The following RARB variants were observed in gnomAD, a reference collection of about 807,000 sequenced individuals.
RARB encodes the protein retinoic acid receptor beta.
Under a neutral mutation model 51.9 loss-of-function variants are expected in RARB, and 17 were observed. The observed-to-expected ratio is 0.33, with a 90% CI of 0.22 to 0.49. The LOEUF (loss-of-function observed/expected upper bound fraction) is 0.49, where lower values mean the gene tolerates loss of function less well. RARB is among the 20% of genes least tolerant of loss of function. The pLI is 0.99. For missense variants in RARB, 369 were observed against 550.8 expected (o/e 0.67, Z 3.30); for synonymous variants, 215 against 195.4 (o/e 1.10, Z -0.84).
At chr3:25,351,089 A>G (rs17016260) in intron 5 of RARB, among the ~76,000 whole-genome samples, 19,782 of 152,146 alleles carry the variant, frequency 0.13, 1,362 homozygotes, top group South Asian at 0.2. Flanking sequence ...GTGCAGCGCT[A>G]TATTATTTCC....
intron 2 of RARB, among the ~76,000 whole-genome samples, chr3:25,479,794 C>T (rs994292020): frequency 6.6e-6 from 1 of 152,184 alleles, no homozygotes; most frequent in African/African-American, 2.4e-5. Flanking sequence ...CATCTTTCAA[C>T]CCCTCTTCTA....
At chr3:25,421,255 C>T (rs1191346812) in intron 5 of RARB, among the ~76,000 whole-genome samples, 2 of 152,060 alleles carry the variant, frequency 1.3e-5, no homozygotes, top group East Asian at 3.9e-4. Flanking sequence ...ACCCCCTCCA[C>T]CTGCAGCCTG....
chr3:25,012,071 CAG>C (rs1411352176), intron 2 of RARB, among the ~76,000 whole-genome samples: 1 of 152,056 alleles, frequency 6.6e-6, no homozygotes, highest in East Asian at 1.9e-4. Context: ...AATTCAATCT[CAG>C]TGGGGAAAAT....
intron 3 of RARB, among the ~76,000 whole-genome samples, chr3:25,082,655 G>A (rs889193153): frequency 1.3e-5 from 2 of 151,854 alleles, no homozygotes; most frequent in South Asian, 2.1e-4. Flanking sequence ...TGCTTTAAGC[G>A]ATCACTTCTC....
chr3:24,976,437 T>C (rs1008513918), intron 2 of RARB, among the ~76,000 whole-genome samples: 1 of 152,180 alleles, frequency 6.6e-6, no homozygotes, highest in Non-Finnish European at 1.5e-5. Flanking sequence ...GTCTGTTGTT[T>C]CCTGACTTTT....
At chr3:25,286,975 C>T (rs549556237) in intron 5 of RARB, among the ~76,000 whole-genome samples, 101 of 152,262 alleles carry the variant, frequency 6.6e-4, no homozygotes, top group African/African-American at 2.1e-3. Flanking sequence ...TGCGCTCTGT[C>T]TTTGTTAAGG....
At chr3:25,249,549 A>C (rs1702652157) in intron 5 of RARB, among the ~76,000 whole-genome samples, 2 of 151,822 alleles carry the variant, frequency 1.3e-5, no homozygotes, top group Admixed American at 1.3e-4. Flanking sequence ...CCTCTGATAT[A>C]ATAGTTGCTT....
chr3:25,492,930 A>G (rs1365319432), intron 2 of RARB, among the ~76,000 whole-genome samples: 1 of 151,850 alleles, frequency 6.6e-6, no homozygotes, highest in African/African-American at 2.4e-5. Context: ...CCATGGCTAC[A>G]CCTTTACTAA....
chr3:25,531,218 GGA>G (rs1698891225), intron 3 of RARB, among the ~76,000 whole-genome samples: 1 of 152,116 alleles, frequency 6.6e-6, no homozygotes, highest in African/African-American at 2.4e-5. Context: ...GCTGCTCTTA[GGA>G]GAACTTCATT....
chr3:25,398,660 A>C (rs1707182077), intron 5 of RARB, among the ~76,000 whole-genome samples: 1 of 152,212 alleles, frequency 6.6e-6, no homozygotes, highest in Non-Finnish European at 1.5e-5. Context: ...TATGGGAAGT[A>C]GATTGGCAAC....
intron 2 of RARB, among the ~76,000 whole-genome samples, chr3:24,975,045 C>T (rs532561396): frequency 6.6e-6 from 1 of 152,174 alleles, no homozygotes; most frequent in African/African-American, 2.4e-5. Flanking sequence ...TTTTAAATTG[C>T]ATTTAATTTT....
At chr3:25,440,768 G>A (rs539624464) in intron 1 of RARB, among the ~76,000 whole-genome samples, 4 of 151,740 alleles carry the variant, frequency 2.6e-5, no homozygotes, top group South Asian at 4.2e-4. Context: ...GTAAGACACC[G>A]TCCCCCCCAA....
chr3:25,204,608 G>T (rs973954426), intron 5 of RARB, among the ~76,000 whole-genome samples: 5 of 152,076 alleles, frequency 3.3e-5, no homozygotes, highest in African/African-American at 7.2e-5. Context: ...GTTTTGGTGT[G>T]GATGTCCTTT....
intron 4 of RARB, among the ~76,000 whole-genome samples, chr3:25,571,897 C>T (rs1206417691): frequency 6.6e-6 from 1 of 152,244 alleles, no homozygotes; most frequent in African/African-American, 2.4e-5. Context: ...CTACTGGATA[C>T]TAACTGACCC....
chr3:25,170,002 AAAAAAAG>A (rs781218468), intron 4 of RARB, among the ~76,000 whole-genome samples: 13,526 of 141,814 alleles, frequency 0.095, 757 homozygotes, highest in South Asian at 0.23. Flanking sequence ...AAAAAAAAAA[AAAAAAAG>A]AAAGAAAAAA....
At chr3:25,488,241 A>T (rs1696563209) in intron 2 of RARB, among the ~76,000 whole-genome samples, 1 of 152,182 alleles carries the variant, frequency 6.6e-6, no homozygotes, top group Admixed American at 6.5e-5. Context: ...CTAATTATTC[A>T]TTTGAGAAAA....
intron 2 of RARB, among the ~76,000 whole-genome samples, chr3:24,960,218 C>A (rs953778390): frequency 1.3e-5 from 2 of 152,130 alleles, no homozygotes; most frequent in Non-Finnish European, 2.9e-5. Context: ...GTTTTTAGGG[C>A]ACACATCTTT....
intron 2 of RARB, among the ~76,000 whole-genome samples, chr3:25,037,085 C>A (rs1269396593): frequency 2.6e-5 from 4 of 152,106 alleles, no homozygotes; most frequent in African/African-American, 9.7e-5. Context: ...CCAAATTCAA[C>A]AAAACTGACA....
chr3:25,065,281 T>C (rs1698639368), intron 3 of RARB, among the ~76,000 whole-genome samples: 1 of 152,214 alleles, frequency 6.6e-6, no homozygotes, highest in African/African-American at 2.4e-5. Context: ...AATATCACTA[T>C]GTCACTTTAG....
Sources: allele counts gnomAD v4.1 joint callset (sites outside exome capture counted in the v4.1 genomes callset), GRCh38; gene constraint gnomAD v4.1.1; transcripts MANE v1.5; gene names NCBI Gene and HGNC (gene_info 2026-07-23, HGNC 2026-07-21).